Variants in RB1CC1 observed in about 807,000 individuals in gnomAD.
RB1CC1 encodes the protein RB1-inducible coiled-coil protein 1.
In RB1CC1, 46 loss-of-function variants were observed where a neutral mutation model predicts 177.5. The ratio of observed to expected loss-of-function variants is 0.26; its 90% confidence interval spans 0.20 to 0.33. The LOEUF (loss-of-function observed/expected upper bound fraction) is 0.33, where lower values mean the gene tolerates loss of function less well. RB1CC1 is among the 10% of genes least tolerant of loss of function. The pLI, the probability that RB1CC1 is intolerant of heterozygous loss-of-function variation, is 1.00. For synonymous variants in RB1CC1, 666 were observed against 613.6 expected, an observed-to-expected ratio of 1.09 and a Z score of -1.26; for missense variants, 1,703 against 1,816.3, an observed-to-expected ratio of 0.94 and a Z score of 1.13.
intron 7 of RB1CC1, among the ~76,000 whole-genome samples, chr8:52,671,687 T>C (rs1852616666): frequency 6.6e-6 from 1 of 152,222 alleles, no homozygotes. Context: ...TGCTTCAGAA[T>C]AATATATATT....
chr8:52,661,001 C>G lies in RB1CC1; in HGVS notation c.1552G>C (p.Gly518Arg). The change falls in exon 11 of 24, where the codon GGT (glycine) becomes CGT (arginine). Residue 518 changes from glycine to arginine, a missense_variant. This residue lies in a region of RB1CC1 where 1,169 missense variants were observed against 1,184.7 expected (regional missense o/e 0.99). Transcript: ENST00000025008. ...CTCTTTCCATCTTTGACTAAAGCAC[C>G]AGCCCACTAGAAGAGGAAAGCTTAT... Reference protein sequence around the residue: ...MFIKHYREWAGALVKDGKRLY... With the variant: ...MFIKHYREWARALVKDGKRLY... 6.2e-7 allele frequency: 1 copy of G among 1,613,266 alleles called. No individual in the cohort carries two copies. Among genetic ancestry groups the G allele is most frequent in the Non-Finnish European group, 8.5e-7 (1 of 1,179,650 alleles).
chr8:52,687,571 A>G (rs1391510603), intron 1 of RB1CC1, among the ~76,000 whole-genome samples: 1 of 152,196 alleles, frequency 6.6e-6, no homozygotes, highest in Non-Finnish European at 1.5e-5. Context: ...TTGATGAAGC[A>G]AGCTGCCATA....
rs762715532 is a variant in RB1CC1 at position 52,642,598 on chromosome 8, G to T, written c.4097-7C>A. Reference sequence around the variant, plus strand: ...GAAAGTGACTCTATCAAATCTGAAGGACACCCAAATTTAAAAAAGTATCAT... The same window carrying T: ...GAAAGTGACTCTATCAAATCTGAAGTACACCCAAATTTAAAAAAGTATCAT... On this transcript the variant is annotated splice_polypyrimidine_tract_variant and splice_region_variant and intron_variant, in intron 17 of 23. Coordinates refer to ENST00000025008, the MANE Select transcript of RB1CC1 (RefSeq NM_014781.5). 6 of 1,610,622 alleles carry T rather than the reference G, an allele frequency of 3.7e-6. No homozygotes were observed. Among genetic ancestry groups the T allele is most frequent in the Non-Finnish European group, 5.1e-6 (6 of 1,178,720 alleles).
chr8:52,627,598 T>C (rs1848486998), intron 22 of RB1CC1, among the ~76,000 whole-genome samples: 2 of 152,170 alleles, frequency 1.3e-5, no homozygotes, highest in Admixed American at 6.5e-5. Context: ...AATAAGTGTA[T>C]AGAACAGTAT....
At chr8:52,684,748 T>G (rs963074963) in intron 3 of RB1CC1, among the ~76,000 whole-genome samples, 5 of 152,184 alleles carry the variant, frequency 3.3e-5, no homozygotes, top group Non-Finnish European at 7.4e-5. Flanking sequence ...TTTATGAAGC[T>G]TCCGATAATT....
intron 1 of RB1CC1, among the ~76,000 whole-genome samples, chr8:52,713,731 G>T (rs1857254191): frequency 6.6e-6 from 1 of 152,232 alleles, no homozygotes; most frequent in African/African-American, 2.4e-5. Context: ...CAACTAGGCC[G>T]GGTACTAAGC....
At position 52,626,090 on chromosome 8, in the gene RB1CC1, A is replaced by C. The variant is rs77991958; in HGVS notation, c.4637-1303T>G. Among the ~76,000 whole-genome samples, 56 of 152,296 alleles carry C rather than the reference A, an allele frequency of 3.7e-4. 1 individual carries two copies. The East Asian group carries it at 8.7e-3, about 24-fold the overall frequency. ...AGCCAATTACTAACATCCAAAAAGA[A>C]TCATCTAAAAATAAATGCTTGTATG... On this transcript the variant is annotated intron_variant, in intron 22 of 23. Coordinates refer to ENST00000025008, the MANE Select transcript of RB1CC1 (RefSeq NM_014781.5).
intron 7 of RB1CC1, among the ~76,000 whole-genome samples, chr8:52,670,579 T>A (rs1342629564): frequency 6.6e-6 from 1 of 152,210 alleles, no homozygotes; most frequent in Non-Finnish European, 1.5e-5. Context: ...TAAATTATGC[T>A]GCATTAACCT....
At chr8:52,698,321 G>C (rs1195198244) in intron 1 of RB1CC1, among the ~76,000 whole-genome samples, 2 of 151,826 alleles carry the variant, frequency 1.3e-5, no homozygotes, top group South Asian at 2.1e-4. Flanking sequence ...TAAAATATGA[G>C]AGAATAACTT....
chr8:52,658,355 G>C (rs985651780), intron 13 of RB1CC1, among the ~76,000 whole-genome samples: 1 of 152,048 alleles, frequency 6.6e-6, no homozygotes, highest in Non-Finnish European at 1.5e-5. Context: ...TAGGCGGGTG[G>C]ATCATGAGGT....
At position 52,656,618 on chromosome 8, in the gene RB1CC1, T is replaced by C. The variant is rs549775486; in HGVS notation, c.3211A>G (p.Thr1071Ala). Residue 1071 changes from threonine (T) to alanine (A), a missense_variant, in exon 15 of 24, where the codon ACT becomes GCT. This residue lies in a region of RB1CC1 where 1,169 missense variants were observed against 1,184.7 expected (regional missense o/e 0.99). Coordinates refer to ENST00000025008, the MANE Select transcript of RB1CC1 (RefSeq NM_014781.5). ...EVELALKEAETDEIKILLEES... is the reference protein window; with the variant it reads ...EVELALKEAEADEIKILLEES... ...TCCAGCAAAATTTTTATTTCATCAG[T>C]TTCTGCTTCCTTCAACGCAAGTTCA... is the stretch of plus-strand genomic sequence containing the variant. 1 of 1,613,682 alleles carries C rather than the reference T, an allele frequency of 6.2e-7. No individual in the cohort carries two copies. Among genetic ancestry groups the C allele is most frequent in the Non-Finnish European group, 8.5e-7 (1 of 1,179,830 alleles).
intron 19 of RB1CC1, 28 bp downstream of exon 19, chr8:52,635,987 T>C (rs1290942777): frequency 2.5e-6 from 4 of 1,603,942 alleles, no homozygotes; most frequent in Non-Finnish European, 3.4e-6. Context: ...ATATTAAACA[T>C]GGTACTTCAA....
chr8:52,644,277 G>A (rs1018203732), intron 16 of RB1CC1, among the ~76,000 whole-genome samples: 6 of 152,044 alleles, frequency 3.9e-5, no homozygotes, highest in African/African-American at 1.4e-4. Context: ...TGGAAAATTG[G>A]AAGGTACCTT....
chr8:52,626,507 T>C (rs1848403829), intron 22 of RB1CC1, among the ~76,000 whole-genome samples: 1 of 152,134 alleles, frequency 6.6e-6, no homozygotes, highest in South Asian at 2.1e-4. Context: ...CATAAAAAGA[T>C]ATTGCAAGTG....
In RB1CC1 at chr8:52,657,425, T is replaced by C; in HGVS notation, c.2404A>G (p.Arg802Gly). ...TSLNVQLERC[R>G]VVAQDSHFSI... ...AAGTGAGAGTCTTGGGCAACAACTC[T>C]ACATCTTTCCAACTGGACATTCAGA... The change falls in exon 15 of 24, where the codon AGA becomes GGA. Residue 802 changes from arginine to glycine, a missense_variant. By Grantham distance (125) the Arg-to-Gly change is moderately radical (BLOSUM62 -2). Coordinates refer to ENST00000025008, the MANE Select transcript of RB1CC1 (RefSeq NM_014781.5). The C allele has an allele frequency of 6.2e-7, 1 of 1,613,862 alleles. No homozygotes were observed. The highest frequency in any genetic ancestry group is 1.7e-4 in the Middle Eastern group (1 of 6,060).
At chr8:52,699,804 CAAAAAAAAAAAA>C (rs1172604874) in intron 1 of RB1CC1, among the ~76,000 whole-genome samples, 56 of 38,542 alleles carry the variant, frequency 1.5e-3, no homozygotes, top group African/African-American at 8.9e-3. Context: ...ATCTCCGTCT[CAAAAAAAAAAAA>C]AAAAAAAAAA....
At chr8:52,639,171 AT>A (rs1849382508) in intron 18 of RB1CC1, among the ~76,000 whole-genome samples, 1 of 152,164 alleles carries the variant, frequency 6.6e-6, no homozygotes, top group Non-Finnish European at 1.5e-5. Flanking sequence ...GAAAAATGAT[AT>A]CTTAATAATA....
At position 52,628,131 on chromosome 8, in the gene RB1CC1, C is replaced by T. The variant is rs1194300457; in HGVS notation, c.4537G>A (p.Glu1513Lys). 6.2e-7 allele frequency: 1 copy of T among 1,608,274 alleles called. No homozygotes were observed. Among genetic ancestry groups the T allele is most frequent in the Non-Finnish European group, 8.5e-7 (1 of 1,175,876 alleles). ...VGDLVLIILDERHDNYVLFTV... is the reference protein window; with the variant it reads ...VGDLVLIILDKRHDNYVLFTV... The stretch of plus-strand genomic sequence containing the variant: ...AATAACACATAATTGTCATGGCGTT[C>T]GTCTAGGATGATGAGTACCAAATCT... Residue 1513 changes from glutamate (E) to lysine (K), a missense_variant, in exon 22 of 24, where the codon GAA becomes AAA. Around this residue, in one of 6 missense-constraint regions of RB1CC1, gnomAD observed 70 missense variants for 118.0 expected, o/e 0.59. Transcript: ENST00000025008.
intron 12 of RB1CC1, among the ~76,000 whole-genome samples, chr8:52,660,013 A>G (rs1294823038): frequency 6.6e-6 from 1 of 152,154 alleles, no homozygotes; most frequent in East Asian, 1.9e-4. Context: ...CAACAACAAC[A>G]CAGCTAAGAG....
Sources: gnomAD v4.1 joint callset for allele counts (sites outside exome capture counted in the v4.1 genomes callset) on GRCh38, gnomAD v4.1.1 for gene constraint, gnomAD v4.1.1 regional missense constraint, MANE v1.5 for transcripts, NCBI Gene and HGNC (gene_info 2026-07-23, HGNC 2026-07-21) for gene names.